Variants in ARL15 observed in about 807,000 individuals in gnomAD.
ARL15 encodes ADP-ribosylation factor-like protein 15.
In ARL15, 19 loss-of-function variants were observed where a neutral mutation model predicts 25.2. The observed-to-expected ratio is 0.75, with a 90% CI of 0.53 to 1.10. ARL15 has a LOEUF of 1.10. Ranked by LOEUF, ARL15 falls within the 50% of genes least tolerant of loss-of-function variation. The pLI is 0.00. For missense variants in ARL15, 220 were observed against 246.0 expected (o/e 0.89, Z 0.71); for synonymous variants, 94 against 86.8 (o/e 1.08, Z -0.46).
intron 1 of ARL15, among the ~76,000 whole-genome samples, chr5:54,230,087 C>G (rs1027175717): frequency 2.6e-5 from 4 of 152,128 alleles, no homozygotes; most frequent in African/African-American, 9.7e-5. Flanking sequence ...GTGCTCTGCT[C>G]ACCCCTGTAA....
At chr5:54,254,123 A>G (rs1757308015) in intron 1 of ARL15, among the ~76,000 whole-genome samples, 1 of 152,238 alleles carries the variant, frequency 6.6e-6, no homozygotes, top group Non-Finnish European at 1.5e-5. Context: ...GCAGATTAAA[A>G]TAAGGATCTT....
chr5:54,026,683 C>T (rs1749795488), intron 4 of ARL15, among the ~76,000 whole-genome samples: 1 of 152,106 alleles, frequency 6.6e-6, no homozygotes, highest in South Asian at 2.1e-4. Flanking sequence ...AGTGGGACTA[C>T]AGGAGACATG....
rs538029161 is a variant in ARL15 at position 54,285,770 on chromosome 5, A to G, written c.48+24662T>C. Among the ~76,000 whole-genome samples, 8 of 152,292 alleles carry G rather than the reference A, an allele frequency of 5.3e-5. 1 individual carries two copies. The highest frequency in any genetic ancestry group is 1.7e-4 in the African/African-American group (7 of 41,562). On this transcript the variant is annotated intron_variant, in intron 1 of 4. Transcript: ENST00000504924. The stretch of plus-strand genomic sequence containing the variant: ...AATGAGGCCCTAGCTTGGGTCCTCT[A>G]TTTCCAAATAAGGTTAACAAAGATC...
intron 4 of ARL15, among the ~76,000 whole-genome samples, chr5:53,995,025 G>A (rs1301343927): frequency 6.6e-6 from 1 of 151,994 alleles, no homozygotes; most frequent in Non-Finnish European, 1.5e-5. Flanking sequence ...AAAAGTAACT[G>A]GGAGGCTGGG....
chr5:53,971,539 A>G (rs989187244), intron 4 of ARL15, among the ~76,000 whole-genome samples: 4 of 152,190 alleles, frequency 2.6e-5, no homozygotes, highest in African/African-American at 7.2e-5. Context: ...TATTGAGTAC[A>G]TTATCCTCAT....
chr5:54,257,425 C>T (rs1757398043), intron 1 of ARL15, among the ~76,000 whole-genome samples: 1 of 152,128 alleles, frequency 6.6e-6, no homozygotes, highest in Admixed American at 6.5e-5. Context: ...GAACACACCC[C>T]TAGGAAAGCC....
chr5:53,891,186 AGT>A (rs2111897131), intron 4 of ARL15, among the ~76,000 whole-genome samples: 2 of 152,298 alleles, frequency 1.3e-5, no homozygotes, highest in African/African-American at 4.8e-5. Flanking sequence ...TTAAACCAGT[AGT>A]GTGTGCCCAG....
chr5:54,150,037 C>G (rs1392856617), intron 3 of ARL15, among the ~76,000 whole-genome samples: 1 of 152,142 alleles, frequency 6.6e-6, no homozygotes. Flanking sequence ...GATATCTGTT[C>G]TAGGCCTATA....
At chr5:53,961,532 G>C (rs986125199) in intron 4 of ARL15, among the ~76,000 whole-genome samples, 2 of 146,718 alleles carry the variant, frequency 1.4e-5, no homozygotes, top group Non-Finnish European at 3.0e-5. Flanking sequence ...CATTCCCATT[G>C]ATTGATTTTA....
Position 53,989,374 on chromosome 5 carries a change from C to T in ARL15, c.463-102661G>A, listed in dbSNP as rs189771384. 4.8e-3 allele frequency among the ~76,000 whole-genome samples: 725 copies of T among 152,178 alleles called. 3 individuals carry two copies. Among genetic ancestry groups the T allele is most frequent in the Admixed American group, 8.2e-3 (126 of 15,280 alleles). On this transcript the variant is annotated intron_variant, in intron 4 of 4. Coordinates refer to ENST00000504924, the MANE Select transcript of ARL15 (RefSeq NM_019087.3). ...GTTATCACTTTAAAGTCTAGTTATC[C>T]GGTAACTGACTAAACGGTGATTCTT...
chr5:54,165,757 T>TAGAG (rs1265891547), intron 2 of ARL15, among the ~76,000 whole-genome samples: 98 of 151,244 alleles, frequency 6.5e-4, no homozygotes, highest in African/African-American at 2.3e-3. Flanking sequence ...TATATATAAA[T>TAGAG]AGAGACAGAG....
chr5:54,015,775 C>T (rs1749407477), intron 4 of ARL15, among the ~76,000 whole-genome samples: 1 of 152,020 alleles, frequency 6.6e-6, no homozygotes, highest in Non-Finnish European at 1.5e-5. Context: ...CTGTGAGAGA[C>T]CAGAATGTGC....
chr5:54,167,960 C>T (rs13153747), intron 2 of ARL15, among the ~76,000 whole-genome samples: 36,180 of 152,050 alleles, frequency 0.24, 4,529 homozygotes, highest in African/African-American at 0.3. Context: ...TTTAGACTTA[C>T]GTTTACCTTA....
At chr5:53,950,994 T>C (rs1193124107) in intron 4 of ARL15, among the ~76,000 whole-genome samples, 1 of 152,220 alleles carries the variant, frequency 6.6e-6, no homozygotes, top group African/African-American at 2.4e-5. Flanking sequence ...CCACTCCCTG[T>C]TTTCATATGG....
At chr5:54,285,724 G>A (rs1420635924) in intron 1 of ARL15, among the ~76,000 whole-genome samples, 1 of 152,104 alleles carries the variant, frequency 6.6e-6, no homozygotes, top group Non-Finnish European at 1.5e-5. Flanking sequence ...AAGGGCATAC[G>A]GGAGCAGTAA....
At chr5:54,305,634 C>A (rs1056171812) in intron 1 of ARL15, among the ~76,000 whole-genome samples, 1 of 152,092 alleles carries the variant, frequency 6.6e-6, no homozygotes, top group Non-Finnish European at 1.5e-5. Flanking sequence ...TACACACACA[C>A]CTATGATAAA....
chr5:54,095,373 G>C (rs72750255), intron 4 of ARL15, among the ~76,000 whole-genome samples: 1 of 152,018 alleles, frequency 6.6e-6, no homozygotes, highest in South Asian at 2.1e-4. Flanking sequence ...TTATAGCCCC[G>C]TGCCTTTTCT....
intron 1 of ARL15, among the ~76,000 whole-genome samples, chr5:54,294,679 G>T (rs984777105): frequency 1.8e-4 from 28 of 152,192 alleles, no homozygotes; most frequent in African/African-American, 6.8e-4. Flanking sequence ...TTTATTTCAG[G>T]CACATAAACA....
chr5:54,114,406 G>GAAAAA lies in ARL15; in HGVS notation c.254-1001_254-997dup, dbSNP rs1171369744. 4.0e-4 allele frequency among the ~76,000 whole-genome samples: 30 copies of GAAAAA among 74,476 alleles called. 2 individuals carry two copies. The highest frequency in any genetic ancestry group is 2.1e-3 in the South Asian group (3 of 1,404). 48.9% of individuals were successfully genotyped at this position (74,476 alleles called of 152,430 possible). A position where few individuals can be genotyped will look rare whatever the true frequency, so the allele number is the denominator to read the frequency against. Reference sequence around the variant, plus strand: ...GCAACACAGCAAGGCTCCATCTCAAGAAAAAAAAAAAAAAAAGCAACACCA... The same window carrying GAAAAA: ...GCAACACAGCAAGGCTCCATCTCAAGAAAAAAAAAAAAAAAAAAAAAGCAACACCA... On this transcript the variant is annotated intron_variant, in intron 3 of 4. Coordinates refer to ENST00000504924, the MANE Select transcript of ARL15 (RefSeq NM_019087.3).
Sources: gnomAD v4.1 joint callset for allele counts (sites outside exome capture counted in the v4.1 genomes callset) on GRCh38, gnomAD v4.1.1 for gene constraint, MANE v1.5 for transcripts, NCBI Gene and HGNC (gene_info 2026-07-23, HGNC 2026-07-21) for gene names.